The following PLCZ1 variants were observed in gnomAD, a reference collection of about 807,000 sequenced individuals.
PLCZ1 encodes the protein 1-phosphatidylinositol 4,5-bisphosphate phosphodiesterase zeta-1.
PLCZ1 carries 64 observed loss-of-function variants against 76.8 expected under a neutral mutation model. That is an observed-to-expected ratio of 0.83 (90% CI 0.68 to 1.03). PLCZ1 has a LOEUF of 1.03. PLCZ1 is among the 50% of genes least tolerant of loss of function. PLCZ1 has a pLI of 0.00. For synonymous variants in PLCZ1, 248 were observed against 230.8 expected (o/e 1.07, Z -0.68); for missense variants, 751 against 713.7 (o/e 1.05, Z -0.60).
intron 14 of PLCZ1, chr12:18,683,551 T>C: frequency 6.7e-7 from 1 of 1,494,426 alleles, no homozygotes; most frequent in South Asian, 1.2e-5. Context: ...TACTTCTCCT[T>C]CCGCAAAGCG....
At chr12:18,650,858 C>G in the PLCZ1 span, among the ~76,000 whole-genome samples, 1 of 150,682 alleles carries the variant, frequency 6.6e-6, no homozygotes, top group Admixed American at 6.6e-5. Context: ...TGAAAATACT[C>G]TGGTCCAACT....
At chr12:18,710,258 A>T (rs942299361) in intron 6 of PLCZ1, among the ~76,000 whole-genome samples, 2 of 149,660 alleles carry the variant, frequency 1.3e-5, no homozygotes, top group Admixed American at 6.7e-5. Flanking sequence ...TAAGACTGTC[A>T]CTATTTTTTT....
At position 18,719,555 on chromosome 12, in the gene PLCZ1, C is replaced by T; in HGVS notation, c.445G>A (p.Glu149Lys). ...ATATCTTGATAAACTTTTCTACATT[C>T]ATTTTTAAACAGTAGACATTCACGT... ...DSRECLLFKN[E>K]CRKVYQDMTH... is the part of the protein sequence containing the mutation. Residue 149 changes from glutamate (E) to lysine (K), a missense_variant, in exon 5 of 15, where the codon GAA becomes AAA. Physicochemically the swap from Glu to Lys is moderately conservative, Grantham distance 56. Transcript: ENST00000266505. 1.2e-6 allele frequency: 2 copies of T among 1,602,478 alleles called. No homozygotes were observed. Among genetic ancestry groups the T allele is most frequent in the Non-Finnish European group, 1.7e-6 (2 of 1,173,086 alleles).
chr12:18,713,090 T>G, intron 5 of PLCZ1, 104 bp from the exon 6 acceptor site: 1 of 1,421,278 alleles, frequency 7.0e-7, no homozygotes, highest in Non-Finnish European at 9.7e-7. Flanking sequence ...AATAAATGCA[T>G]AAATGAGTCC....
chr12:18,708,496 G>T (rs1207089950), intron 6 of PLCZ1, among the ~76,000 whole-genome samples: 1 of 152,128 alleles, frequency 6.6e-6, no homozygotes, highest in East Asian at 1.9e-4. Context: ...TTATGAGATG[G>T]TTATTTAATT....
chr12:18,653,314 A>G, the PLCZ1 span, among the ~76,000 whole-genome samples: 2 of 152,194 alleles, frequency 1.3e-5, no homozygotes, highest in Non-Finnish European at 2.9e-5. Flanking sequence ...AACTCCAGTG[A>G]TAAAAGTAAT....
chr12:18,682,386 C>A (rs555871195), downstream of PLCZ1, among the ~76,000 whole-genome samples: 147 of 152,090 alleles, frequency 9.7e-4, no homozygotes, highest in African/African-American at 3.4e-3. Context: ...CTTTGTCAAA[C>A]TTTGTGCTGG....
At chr12:18,681,195 G>C (rs1248849902), downstream of PLCZ1, among the ~76,000 whole-genome samples, 1 of 151,846 alleles carries the variant, frequency 6.6e-6, no homozygotes, top group African/African-American at 2.4e-5. Context: ...CTAAAGTCTG[G>C]CTGATAGTAC....
intron 2 of PLCZ1, chr12:18,736,745 G>A (rs1434553661): frequency 1.7e-6 from 2 of 1,147,278 alleles, no homozygotes; most frequent in African/African-American, 1.6e-5. Context: ...AATTAACCCT[G>A]AATCTTAAGG....
chr12:18,706,416 T>G lies in PLCZ1; in HGVS notation c.715-1101A>C, dbSNP rs556345362. Among the ~76,000 whole-genome samples, 17 of 152,262 alleles carry G rather than the reference T, an allele frequency of 1.1e-4. No individual in the cohort carries two copies. The East Asian group carries it at 3.1e-3, about 28-fold the overall frequency. On this transcript the variant is annotated intron_variant, in intron 6 of 14. Transcript: ENST00000266505. ...AAAAACATTATTAACACTGATGAGT[T>G]GGGGGAAATGTCAATATTCTGCTTT...
At chr12:18,729,210 T>C (rs534985271) in intron 3 of PLCZ1, among the ~76,000 whole-genome samples, 2 of 152,196 alleles carry the variant, frequency 1.3e-5, no homozygotes, top group African/African-American at 4.8e-5. Flanking sequence ...CTTCCTTTCA[T>C]GCATCCTGTA....
the PLCZ1 span, among the ~76,000 whole-genome samples, chr12:18,649,677 A>G: frequency 6.6e-6 from 1 of 152,106 alleles, no homozygotes; most frequent in African/African-American, 2.4e-5. Context: ...CAATGAAACT[A>G]CTTTAGTCAA....
In PLCZ1 at chr12:18,695,086, G is replaced by C. The variant is rs77277618; in HGVS notation, c.1292-7C>G. On this transcript the variant is annotated splice_polypyrimidine_tract_variant and splice_region_variant and intron_variant, in intron 11 of 14. Coordinates refer to ENST00000266505, the MANE Select transcript of PLCZ1 (RefSeq NM_033123.4). ...GTCTGGAAATTTAAAGCCACTGTAA[G>C]AAAGAAGTATTTTGACATTGTCAGG... 8 of 1,611,198 alleles carry C rather than the reference G, an allele frequency of 5.0e-6. No homozygotes were observed. The highest frequency in any genetic ancestry group is 6.8e-6 in the Non-Finnish European group (8 of 1,177,746).
chr12:18,678,215 G>T (rs1013704948), downstream of PLCZ1, among the ~76,000 whole-genome samples: 2 of 151,992 alleles, frequency 1.3e-5, no homozygotes, highest in Non-Finnish European at 2.9e-5. Flanking sequence ...GGCTAATACT[G>T]CTGTTAGAAC....
intron 7 of PLCZ1, among the ~76,000 whole-genome samples, chr12:18,704,595 G>A (rs1006769067): frequency 6.6e-6 from 1 of 152,094 alleles, no homozygotes; most frequent in Non-Finnish European, 1.5e-5. Flanking sequence ...CCAAGGTGCT[G>A]GGATTACAGG....
chr12:18,722,812 T>C (rs1357222954), intron 4 of PLCZ1, among the ~76,000 whole-genome samples: 1 of 152,076 alleles, frequency 6.6e-6, no homozygotes, highest in Non-Finnish European at 1.5e-5. Flanking sequence ...TACGAAATGT[T>C]GTAGATAATT....
chr12:18,684,047 A>AT (rs1952719753), intron 14 of PLCZ1, 83 bp downstream of exon 14: 12 of 1,463,540 alleles, frequency 8.2e-6, no homozygotes, highest in South Asian at 5.9e-5. Context: ...TGATAGAGCT[A>AT]TTTGGTATGT....
the PLCZ1 span, among the ~76,000 whole-genome samples, chr12:18,674,899 G>A: frequency 1.7e-4 from 26 of 152,190 alleles, no homozygotes; most frequent in South Asian, 6.2e-4. Flanking sequence ...AGGTAACCTG[G>A]GGAGAGAGAG....
chr12:18,701,008 G>T (rs1422171048), intron 9 of PLCZ1, among the ~76,000 whole-genome samples: 2 of 150,074 alleles, frequency 1.3e-5, no homozygotes, highest in Non-Finnish European at 3.0e-5. Context: ...TTTGAAACAG[G>T]ATCTCTCATT....
Sources: gnomAD v4.1 joint callset for allele counts (sites outside exome capture counted in the v4.1 genomes callset) on GRCh38, gnomAD v4.1.1 for gene constraint, MANE v1.5 for transcripts, NCBI Gene and HGNC (gene_info 2026-07-23, HGNC 2026-07-21) for gene names.